Variants in FRMPD4 observed in about 807,000 individuals in gnomAD.
FRMPD4 encodes FERM and PDZ domain containing 4, also known as FERM and PDZ domain-containing protein 4.
A neutral mutation model predicts 94.1 loss-of-function variants in FRMPD4; 22 were observed. The observed-to-expected ratio is 0.23, with a 90% confidence interval of 0.17 to 0.33. The LOEUF is 0.33. Among genes scored for constraint, FRMPD4 ranks in the 10% least tolerant of loss-of-function variants. The probability of loss-of-function intolerance (pLI) is 1.00; values close to 1 mark genes in which losing one functional copy is unlikely to be tolerated. For synonymous variants in FRMPD4, 631 were observed against 548.6 expected (o/e 1.15, Z -2.10); for missense variants, 1,111 against 1,339.9 (o/e 0.83, Z 2.67).
At chrX:12,463,681 G>GTGTTTTTTTTTTTTT (rs1555969426) in intron 1 of FRMPD4, among the ~76,000 whole-genome samples, 1 of 51,046 alleles carries the variant, frequency 2.0e-5, no homozygotes, top group Non-Finnish European at 3.4e-5. Context: ...CTATGTGTGT[G>GTGTTTTTTTTTTTTT]TTTTTTTTTT....
At chrX:12,532,480 A>T (rs1199250825) in intron 2 of FRMPD4, among the ~76,000 whole-genome samples, 1 of 111,845 alleles carries the variant, frequency 8.9e-6, no homozygotes, top group Non-Finnish European at 1.9e-5. Flanking sequence ...TTCAATAAGG[A>T]ATATAAACTA....
intron 3 of FRMPD4, among the ~76,000 whole-genome samples, chrX:12,128,455 G>A (rs779172708): frequency 7.8e-4 from 87 of 112,087 alleles, no homozygotes; most frequent in Admixed American, 6.3e-3. Flanking sequence ...GAGCAGAGGG[G>A]CCTGGGGTCC....
intron 3 of FRMPD4, among the ~76,000 whole-genome samples, chrX:11,973,314 G>GCTA (rs1156608617): frequency 1.8e-5 from 2 of 112,318 alleles, no homozygotes; most frequent in East Asian, 5.6e-4. Flanking sequence ...AAAGAAAGAT[G>GCTA]CTATAGTCTG....
At chrX:12,381,847 A>G (rs1048885003) in intron 1 of FRMPD4, among the ~76,000 whole-genome samples, 12 of 111,774 alleles carry the variant, frequency 1.1e-4, no homozygotes, top group South Asian at 3.8e-4. Flanking sequence ...CTGGAACCCA[A>G]TGGTGTGCTC....
intron 3 of FRMPD4, among the ~76,000 whole-genome samples, chrX:11,963,454 A>G (rs1569133582): frequency 8.9e-6 from 1 of 112,568 alleles, no homozygotes; most frequent in Non-Finnish European, 1.9e-5. Context: ...TCCTGCTAAA[A>G]TAATCTACAG....
intron 1 of FRMPD4, among the ~76,000 whole-genome samples, chrX:12,437,596 C>T (rs182567104): frequency 9.0e-6 from 1 of 111,271 alleles, no homozygotes; most frequent in Non-Finnish European, 1.9e-5. Flanking sequence ...GTTGTTTTCC[C>T]CTCAGAACTT....
At chrX:12,161,400 C>G (rs2056023733) in intron 1 of FRMPD4, among the ~76,000 whole-genome samples, 1 of 112,063 alleles carries the variant, frequency 8.9e-6, no homozygotes, top group Non-Finnish European at 1.9e-5. Context: ...CTTAAGTGAT[C>G]TGCCTGCCTT....
At chrX:12,261,825 T>C (rs1239464278) in intron 1 of FRMPD4, among the ~76,000 whole-genome samples, 1 of 112,316 alleles carries the variant, frequency 8.9e-6, no homozygotes, top group Non-Finnish European at 1.9e-5. Context: ...GTTTTCATTT[T>C]GCATATTCAA....
At chrX:12,573,589 G>A (rs2058780559) in intron 2 of FRMPD4, among the ~76,000 whole-genome samples, 1 of 112,193 alleles carries the variant, frequency 8.9e-6, no homozygotes, top group African/African-American at 3.2e-5. Flanking sequence ...TCCAGTCCCA[G>A]TACATATTCT....
At chrX:12,161,043 G>A (rs982503515) in intron 1 of FRMPD4, among the ~76,000 whole-genome samples, 5 of 110,990 alleles carry the variant, frequency 4.5e-5, no homozygotes, top group East Asian at 2.8e-4. Context: ...TAATATTACC[G>A]CTAATCACTA....
intron 1 of FRMPD4, among the ~76,000 whole-genome samples, chrX:12,385,485 C>T (rs2056384468): frequency 8.9e-6 from 1 of 112,238 alleles, no homozygotes; most frequent in African/African-American, 3.2e-5. Context: ...TTCAGTAATA[C>T]CAAGGGACAA....
At chrX:12,115,165 T>A (rs920776062) in intron 3 of FRMPD4, among the ~76,000 whole-genome samples, 1 of 112,168 alleles carries the variant, frequency 8.9e-6, no homozygotes, top group African/African-American at 3.2e-5. Flanking sequence ...AAGATTTTGA[T>A]GGAAGGAAGC....
intron 3 of FRMPD4, among the ~76,000 whole-genome samples, chrX:12,044,715 A>G (rs1229691468): frequency 2.7e-5 from 3 of 111,910 alleles, no homozygotes; most frequent in Admixed American, 1.9e-4. Context: ...CTGCTCTTTC[A>G]GATCAGTGCA....
chrX:12,398,412 C>T (rs1384670818), intron 1 of FRMPD4, among the ~76,000 whole-genome samples: 2 of 111,851 alleles, frequency 1.8e-5, no homozygotes, highest in African/African-American at 6.5e-5. Context: ...CTTGCTCCTT[C>T]CCATGAGTTC....
chrX:12,580,117 G>A (rs1033583946), intron 2 of FRMPD4, among the ~76,000 whole-genome samples: 31 of 112,155 alleles, frequency 2.8e-4, no homozygotes, highest in African/African-American at 1.0e-3. Context: ...ATTCAAGAGG[G>A]GAGTTGACAC....
At chrX:12,556,463 AC>A (rs1372725761) in intron 2 of FRMPD4, among the ~76,000 whole-genome samples, 1 of 111,265 alleles carries the variant, frequency 9.0e-6, no homozygotes, top group Admixed American at 9.6e-5. Flanking sequence ...CTTCACTCCT[AC>A]AGTCACAAGG....
rs746580561 is a variant in FRMPD4 at position 11,968,776 on chromosome X, AC to A, written c.95+90759del. On this transcript the variant is annotated intron_variant, in intron 3 of 18. Coordinates refer to the FRMPD4 transcript ENST00000640291. ...CATTGCTGACAGGTGTGTCTGCCATACAGGGTCATTCTCAGGGTATGTTTAC... is the reference window on the plus strand; with the variant it reads ...CATTGCTGACAGGTGTGTCTGCCATAAGGGTCATTCTCAGGGTATGTTTAC... Among the ~76,000 whole-genome samples the A allele has an allele frequency of 2.9e-4, 32 of 112,138 alleles. 1 individual carries two copies. Among genetic ancestry groups the A allele is most frequent in the African/African-American group, 9.1e-4 (28 of 30,901 alleles).
chrX:11,907,084 T>C (rs5935182), intron 3 of FRMPD4, among the ~76,000 whole-genome samples: 4,919 of 111,135 alleles, frequency 0.044, 106 homozygotes, highest in African/African-American at 0.084. Flanking sequence ...AACATTAATA[T>C]TAATATTTAA....
intron 3 of FRMPD4, among the ~76,000 whole-genome samples, chrX:11,933,233 G>A (rs1446545755): frequency 8.9e-6 from 1 of 112,198 alleles, no homozygotes. Context: ...CATTATTCAT[G>A]GATCGTAAAT....
Sources: gnomAD v4.1 joint callset for allele counts (sites outside exome capture counted in the v4.1 genomes callset) on GRCh38, gnomAD v4.1.1 for gene constraint, MANE v1.5 for transcripts, NCBI Gene and HGNC (gene_info 2026-07-23, HGNC 2026-07-21) for gene names.